GRIP1: variants seen among roughly 807,000 people sequenced by gnomAD.
GRIP1 encodes the protein glutamate receptor-interacting protein 1.
GRIP1 carries 45 observed loss-of-function variants against 129.9 expected under a neutral mutation model. That is an observed-to-expected ratio of 0.35 (90% CI 0.27 to 0.44). The LOEUF (loss-of-function observed/expected upper bound fraction) is 0.44. GRIP1 is among the 20% of genes least tolerant of loss of function. The pLI, the probability that GRIP1 is intolerant of heterozygous loss-of-function variation, is 1.00. For missense variants in GRIP1, 1,196 were observed against 1,396.8 expected (o/e 0.86, Z 2.29); for synonymous variants, 530 against 520.8 (o/e 1.02, Z -0.24).
chr12:66,703,302 A>G (rs770998808), intron 1 of GRIP1, among the ~76,000 whole-genome samples: 3 of 152,156 alleles, frequency 2.0e-5, no homozygotes, highest in Non-Finnish European at 2.9e-5. Flanking sequence ...AGAGTAGTGG[A>G]TTTCTAAGAC....
rs1293666734 is a variant in GRIP1, at chr12:66,517,733, C to T, written c.578+168G>A. ...AGTAAGTATAGAATCTAGAGGCAAACCTTTTTTTTTTCTGATTCCATAGTT... is the reference window on the plus strand; with the variant it reads ...AGTAAGTATAGAATCTAGAGGCAAATCTTTTTTTTTTCTGATTCCATAGTT... On this transcript the variant is annotated intron_variant, in intron 6 of 24. Transcript: ENST00000359742. Among the ~76,000 whole-genome samples, 18 of 152,120 alleles carry T rather than the reference C, an allele frequency of 1.2e-4. 1 individual carries two copies. Among genetic ancestry groups the T allele is most frequent in the African/African-American group, 3.1e-4 (13 of 41,510 alleles).
At chr12:66,552,543 G>A (rs1456915572) in intron 2 of GRIP1, among the ~76,000 whole-genome samples, 1 of 152,064 alleles carries the variant, frequency 6.6e-6, no homozygotes, top group African/African-American at 2.4e-5. Context: ...TCATTAGGCC[G>A]AACTTCATGT....
intron 1 of GRIP1, among the ~76,000 whole-genome samples, chr12:66,719,346 G>T (rs1056194730): frequency 1.3e-5 from 2 of 152,148 alleles, no homozygotes; most frequent in African/African-American, 4.8e-5. Context: ...AAAGGGAATG[G>T]GTTCCATTGA....
intron 1 of GRIP1, among the ~76,000 whole-genome samples, chr12:66,993,594 C>T (rs1458387529): frequency 6.6e-6 from 1 of 151,820 alleles, no homozygotes; most frequent in Non-Finnish European, 1.5e-5. Flanking sequence ...AGTTTGAGAC[C>T]AGCCTGGCCA....
chr12:66,969,884 G>T (rs1365537382), intron 1 of GRIP1, among the ~76,000 whole-genome samples: 2 of 152,014 alleles, frequency 1.3e-5, no homozygotes, highest in African/African-American at 4.8e-5. Flanking sequence ...TTTTCCTTTT[G>T]ATCTTTTCTT....
At chr12:66,491,595 A>T (rs2138672779) in intron 7 of GRIP1, among the ~76,000 whole-genome samples, 1 of 152,304 alleles carries the variant, frequency 6.6e-6, no homozygotes, top group East Asian at 1.9e-4. Flanking sequence ...ACAAATCTGC[A>T]CATCCTACAC....
chr12:66,431,381 A>G (rs1283284395), intron 14 of GRIP1, among the ~76,000 whole-genome samples: 2 of 152,128 alleles, frequency 1.3e-5, no homozygotes, highest in African/African-American at 4.8e-5. Context: ...TCTCTCCCAT[A>G]CATGTGGCTT....
At chr12:67,042,345 A>T (rs2043193242) in intron 1 of GRIP1, among the ~76,000 whole-genome samples, 1 of 152,240 alleles carries the variant, frequency 6.6e-6, no homozygotes, top group African/African-American at 2.4e-5. Context: ...TTGCTCATGA[A>T]GCCATCATAA....
intron 1 of GRIP1, among the ~76,000 whole-genome samples, chr12:66,766,994 T>C (rs2037660654): frequency 6.6e-6 from 1 of 152,158 alleles, no homozygotes. Flanking sequence ...AACAAATACA[T>C]TAGGTTTGTC....
intron 1 of GRIP1, among the ~76,000 whole-genome samples, chr12:66,794,883 C>T (rs1187532788): frequency 6.6e-6 from 1 of 152,040 alleles, no homozygotes; most frequent in Non-Finnish European, 1.5e-5. Flanking sequence ...TAGATAAAAC[C>T]AGCCATAAAT....
chr12:66,657,257 T>G (rs1472500873), intron 1 of GRIP1, among the ~76,000 whole-genome samples: 3 of 149,174 alleles, frequency 2.0e-5, no homozygotes, highest in Non-Finnish European at 4.5e-5. Context: ...GAAGTAGCTG[T>G]CAGCCTCTAC....
chr12:66,543,854 GT>G (rs1018282424), intron 2 of GRIP1, among the ~76,000 whole-genome samples: 2 of 151,922 alleles, frequency 1.3e-5, no homozygotes, highest in Non-Finnish European at 2.9e-5. Flanking sequence ...TGGAAGCATA[GT>G]TTTTTTTAAG....
intron 1 of GRIP1, among the ~76,000 whole-genome samples, chr12:66,873,655 A>G (rs17102997): frequency 0.12 from 17,621 of 151,988 alleles, 1,041 homozygotes; most frequent in Admixed American, 0.13. Flanking sequence ...AGTCAAAGCT[A>G]TTATATAGTT....
chr12:66,959,933 G>GA (rs149659239), intron 1 of GRIP1, among the ~76,000 whole-genome samples: 171 of 152,048 alleles, frequency 1.1e-3, no homozygotes, highest in Middle Eastern at 3.4e-3. Flanking sequence ...AATGAGGAGA[G>GA]AAAAAAATAT....
intron 1 of GRIP1, among the ~76,000 whole-genome samples, chr12:66,607,583 C>T (rs1416091859): frequency 6.6e-6 from 1 of 152,150 alleles, no homozygotes; most frequent in East Asian, 1.9e-4. Flanking sequence ...CATCTAGCAA[C>T]ACAATGAAGA....
intron 1 of GRIP1, among the ~76,000 whole-genome samples, chr12:66,690,046 G>A (rs1012214278): frequency 6.6e-6 from 1 of 152,008 alleles, no homozygotes; most frequent in African/African-American, 2.4e-5. Context: ...AGCCTCCTGA[G>A]TAGCTGGGAC....
At chr12:66,766,401 C>T (rs781654634) in intron 1 of GRIP1, among the ~76,000 whole-genome samples, 1 of 152,204 alleles carries the variant, frequency 6.6e-6, no homozygotes, top group Non-Finnish European at 1.5e-5. Flanking sequence ...ACAGCTGGCA[C>T]TCCCTTCCTT....
intron 1 of GRIP1, among the ~76,000 whole-genome samples, chr12:66,715,107 C>T (rs11176395): frequency 0.022 from 3,380 of 152,126 alleles, 139 homozygotes; most frequent in African/African-American, 0.077. Flanking sequence ...TCTTCATCGA[C>T]GGCCAGGGAT....
Position 66,932,823 on chromosome 12 carries a change from C to T in GRIP1, c.58+136227G>A, listed in dbSNP as rs548740690. 2.6e-3 allele frequency among the ~76,000 whole-genome samples: 389 copies of T among 152,096 alleles called. 1 individual carries two copies. The highest frequency in any genetic ancestry group is 8.8e-3 in the African/African-American group (365 of 41,474). On this transcript the variant is annotated intron_variant, in intron 1 of 1. Coordinates refer to the GRIP1 transcript ENST00000643019. Reference sequence around the variant, plus strand: ...AACTAGGACTGCAGGCGCCTGCCACCGCGCCCAGCTAATTTTTGTGTTTTT... The same window carrying T: ...AACTAGGACTGCAGGCGCCTGCCACTGCGCCCAGCTAATTTTTGTGTTTTT...
Sources: gnomAD v4.1 joint callset for allele counts (sites outside exome capture counted in the v4.1 genomes callset) on GRCh38, gnomAD v4.1.1 for gene constraint, MANE v1.5 for transcripts, NCBI Gene and HGNC (gene_info 2026-07-23, HGNC 2026-07-21) for gene names.